CSGALNACT1: variants seen among roughly 807,000 people sequenced by gnomAD.
The protein encoded by CSGALNACT1 is beta4GalNAcT-1.
CSGALNACT1 carries 52 observed loss-of-function variants against 51.0 expected under a neutral mutation model. The ratio of observed to expected loss-of-function variants is 1.02; its 90% confidence interval spans 0.82 to 1.29. The LOEUF (loss-of-function observed/expected upper bound fraction) is 1.29, where lower values mean the gene tolerates loss of function less well. Ranked by LOEUF, CSGALNACT1 falls within the 50% of genes most tolerant of loss-of-function variation. CSGALNACT1 has a pLI of 0.00. For synonymous variants in CSGALNACT1, 341 were observed against 254.4 expected (o/e 1.34, Z -3.24); for missense variants, 935 against 679.2 (o/e 1.38, Z -4.19).
intron 1 of CSGALNACT1, among the ~76,000 whole-genome samples, chr8:19,689,991 A>G (rs1162230638): frequency 6.6e-6 from 1 of 152,242 alleles, no homozygotes; most frequent in African/African-American, 2.4e-5. Flanking sequence ...AATGATGCCC[A>G]GTTCATGAAT....
rs144500557 is a variant in CSGALNACT1, at chr8:19,633,826, G to A, written c.-543-31961C>T. 2.6e-5 allele frequency among the ~76,000 whole-genome samples: 4 copies of A among 152,336 alleles called. No homozygotes were observed. The East Asian group carries it at 7.7e-4, about 29-fold the overall frequency. On this transcript the variant is annotated intron_variant, in intron 1 of 9. Transcript: ENST00000332246. ...CATGCCTTGGTTCTTGAGTCAAACA[G>A]GGGTTCAAACCCTTCTTTCTGGACA...
At chr8:19,657,948 T>C (rs952094573) in intron 1 of CSGALNACT1, among the ~76,000 whole-genome samples, 9 of 149,936 alleles carry the variant, frequency 6.0e-5, no homozygotes, top group African/African-American at 1.7e-4. Context: ...CTTGGTGGTC[T>C]AACTAGCTGA....
intron 1 of CSGALNACT1, among the ~76,000 whole-genome samples, chr8:19,718,908 T>G (rs1471502372): frequency 6.6e-6 from 1 of 152,236 alleles, no homozygotes; most frequent in Non-Finnish European, 1.5e-5. Context: ...CATGCTAAGA[T>G]GTCCTGACGT....
intron 3 of CSGALNACT1, among the ~76,000 whole-genome samples, chr8:19,537,497 C>T (rs1186956001): frequency 1.3e-5 from 2 of 152,160 alleles, no homozygotes; most frequent in Admixed American, 6.5e-5. Flanking sequence ...TCAATATGTA[C>T]ATTTGACCAC....
At chr8:19,455,913 G>A (rs573029006) in intron 5 of CSGALNACT1, among the ~76,000 whole-genome samples, 2 of 152,142 alleles carry the variant, frequency 1.3e-5, no homozygotes, top group Admixed American at 1.3e-4. Flanking sequence ...CATGCAAAAG[G>A]CTCTCAAAAC....
intron 1 of CSGALNACT1, among the ~76,000 whole-genome samples, chr8:19,607,501 T>C (rs2051558993): frequency 1.3e-5 from 2 of 152,176 alleles, no homozygotes; most frequent in South Asian, 4.1e-4. Context: ...CAGCAAACGG[T>C]CTGCAGTGCC....
intron 1 of CSGALNACT1, among the ~76,000 whole-genome samples, chr8:19,676,746 G>A (rs10086446): frequency 0.1 from 15,523 of 152,040 alleles, 1,311 homozygotes; most frequent in African/African-American, 0.23. Flanking sequence ...ATTGTCCACT[G>A]TTTAGACATT....
intron 1 of CSGALNACT1, among the ~76,000 whole-genome samples, chr8:19,669,329 C>A (rs915538594): frequency 6.6e-6 from 1 of 152,178 alleles, no homozygotes; most frequent in Non-Finnish European, 1.5e-5. Flanking sequence ...TGTACCCTTG[C>A]TTAATAAATT....
chr8:19,525,488 A>G (rs190054943), intron 3 of CSGALNACT1, among the ~76,000 whole-genome samples: 59 of 151,706 alleles, frequency 3.9e-4, no homozygotes, highest in Middle Eastern at 3.4e-3. Flanking sequence ...CTGGTGGTGC[A>G]TGTCTATAGT....
intron 4 of CSGALNACT1, among the ~76,000 whole-genome samples, chr8:19,502,139 T>C (rs945320216): frequency 6.6e-6 from 1 of 152,208 alleles, no homozygotes; most frequent in Admixed American, 6.5e-5. Context: ...ACATATCTGA[T>C]TGCTTCCTTT....
intron 3 of CSGALNACT1, among the ~76,000 whole-genome samples, chr8:19,590,672 T>C (rs548682736): frequency 8.7e-6 from 1 of 114,994 alleles, no homozygotes; most frequent in African/African-American, 3.7e-5. Flanking sequence ...TTTTTGGAGA[T>C]GGAGTCTCGC....
chr8:19,723,259 A>G (rs1197301684), intron 1 of CSGALNACT1, among the ~76,000 whole-genome samples: 1 of 152,240 alleles, frequency 6.6e-6, no homozygotes, highest in African/African-American at 2.4e-5. Flanking sequence ...GTATACACCC[A>G]AATAAATGAA....
At chr8:19,542,795 A>G (rs68068544) in intron 3 of CSGALNACT1, among the ~76,000 whole-genome samples, 18,816 of 152,160 alleles carry the variant, frequency 0.12, 1,412 homozygotes, top group African/African-American at 0.21. Flanking sequence ...AACATAATTC[A>G]TAAGTTGTTT....
At chr8:19,650,576 G>C (rs11995755) in intron 1 of CSGALNACT1, among the ~76,000 whole-genome samples, 1 of 152,142 alleles carries the variant, frequency 6.6e-6, no homozygotes, top group Non-Finnish European at 1.5e-5. Context: ...TGCTGATGAC[G>C]GGGTCAACGT....
Position 19,648,745 on chromosome 8 carries a change from T to C in CSGALNACT1, c.-544+33728A>G, listed in dbSNP as rs1459233663. On this transcript the variant is annotated intron_variant, in intron 1 of 9. Coordinates refer to the CSGALNACT1 transcript ENST00000332246. The stretch of plus-strand genomic sequence containing the variant: ...CCTGAGCCTGGAGCAACTGAGGGTA[T>C]AGTGAGCCATGGTGGCGCCAACTGC... 7.2e-5 allele frequency among the ~76,000 whole-genome samples: 11 copies of C among 152,152 alleles called. 1 individual carries two copies. Among genetic ancestry groups the C allele is most frequent in the Admixed American group, 3.3e-4 (5 of 15,278 alleles).
chr8:19,594,113 A>G (rs1162620836), intron 2 of CSGALNACT1, among the ~76,000 whole-genome samples: 2 of 152,170 alleles, frequency 1.3e-5, no homozygotes, highest in African/African-American at 4.8e-5. Flanking sequence ...AGTTTGGATA[A>G]AAGTTCACCA....
At chr8:19,631,200 T>G (rs1221767839) in intron 1 of CSGALNACT1, among the ~76,000 whole-genome samples, 1 of 152,140 alleles carries the variant, frequency 6.6e-6, no homozygotes, top group East Asian at 1.9e-4. Flanking sequence ...GTTTTCAACT[T>G]ATGTTGAAAT....
chr8:19,442,085 T>G (rs1189467743), intron 5 of CSGALNACT1, among the ~76,000 whole-genome samples: 1 of 152,122 alleles, frequency 6.6e-6, no homozygotes, highest in Non-Finnish European at 1.5e-5. Flanking sequence ...CTGGAGAGGA[T>G]GTGGAGAAAT....
chr8:19,515,827 C>T (rs534243887), intron 3 of CSGALNACT1, among the ~76,000 whole-genome samples: 2 of 152,264 alleles, frequency 1.3e-5, no homozygotes, highest in South Asian at 4.1e-4. Flanking sequence ...CTTACAACTG[C>T]CACCCTTGCT....
Sources: gnomAD v4.1 joint callset for allele counts (sites outside exome capture counted in the v4.1 genomes callset) on GRCh38, gnomAD v4.1.1 for gene constraint, MANE v1.5 for transcripts, NCBI Gene and HGNC (gene_info 2026-07-23, HGNC 2026-07-21) for gene names.